PLOD2: variants seen among roughly 807,000 people sequenced by gnomAD.
PLOD2 encodes procollagen-lysine,2-oxoglutarate 5-dioxygenase 2.
Under a neutral mutation model 101.0 loss-of-function variants are expected in PLOD2, and 65 were observed. The observed-to-expected ratio is 0.64, with a 90% CI of 0.53 to 0.79. The LOEUF (loss-of-function observed/expected upper bound fraction) is 0.79, where lower values mean the gene tolerates loss of function less well. PLOD2 is among the 30% of genes least tolerant of loss of function. The pLI, the probability that PLOD2 is intolerant of heterozygous loss-of-function variation, is 0.00. For synonymous variants in PLOD2, 314 were observed against 302.9 expected (o/e 1.04, Z -0.38); for missense variants, 909 against 914.6 (o/e 0.99, Z 0.08).
chr3:146,139,930 T>C (rs977640933), intron 1 of PLOD2, among the ~76,000 whole-genome samples: 5 of 152,100 alleles, frequency 3.3e-5, no homozygotes, highest in African/African-American at 1.2e-4. Context: ...CAAATTCAAC[T>C]AATTCCTAGC....
intron 14 of PLOD2, 148 bp from the exon 15 acceptor site, chr3:146,077,043 G>C: frequency 7.7e-7 from 1 of 1,292,454 alleles, no homozygotes; most frequent in East Asian, 2.9e-5. Context: ...AATGTGCATA[G>C]TTTAAAATAA....
At chr3:146,107,689 T>C (rs34298175) in intron 4 of PLOD2, among the ~76,000 whole-genome samples, 2,822 of 123,184 alleles carry the variant, frequency 0.023, 51 homozygotes, top group Non-Finnish European at 0.028. Context: ...CAGGCTGGAG[T>C]GCAAAGGCAC....
intron 3 of PLOD2, among the ~76,000 whole-genome samples, chr3:146,112,489 A>T (rs180734198): frequency 6.6e-6 from 1 of 152,014 alleles, no homozygotes; most frequent in African/African-American, 2.4e-5. Context: ...CACACAGTGG[A>T]GTTTGTCGGT....
chr3:146,113,104 T>C (rs1029595035), intron 3 of PLOD2, among the ~76,000 whole-genome samples: 2 of 152,210 alleles, frequency 1.3e-5, no homozygotes, highest in Non-Finnish European at 2.9e-5. Context: ...TATTAATAAA[T>C]GTCAGTTGTT....
chr3:146,140,598 G>T (rs116735963), intron 1 of PLOD2, among the ~76,000 whole-genome samples: 1 of 151,990 alleles, frequency 6.6e-6, no homozygotes, highest in Non-Finnish European at 1.5e-5. Context: ...TACACAATAC[G>T]CTTTAATAAA....
intron 17 of PLOD2, among the ~76,000 whole-genome samples, chr3:146,072,322 A>C (rs1398966746): frequency 6.6e-6 from 1 of 151,696 alleles, no homozygotes; most frequent in Admixed American, 6.6e-5. Flanking sequence ...ACCCTTAGGG[A>C]ACATCCAGTG....
At chr3:146,158,800 T>C (rs187031533) in intron 1 of PLOD2, among the ~76,000 whole-genome samples, 11 of 152,208 alleles carry the variant, frequency 7.2e-5, no homozygotes, top group East Asian at 1.9e-4. Flanking sequence ...AAAATGTCAA[T>C]AGGGCCAAGA....
intron 3 of PLOD2, among the ~76,000 whole-genome samples, chr3:146,113,120 A>C (rs1937725169): frequency 6.6e-6 from 1 of 152,202 alleles, no homozygotes; most frequent in Non-Finnish European, 1.5e-5. Context: ...TTGTTTGAAA[A>C]AGAGTTATGG....
chr3:146,082,050 AT>A (rs1486238933), intron 11 of PLOD2, among the ~76,000 whole-genome samples, 187 bp from the exon 12 acceptor site: 4 of 152,234 alleles, frequency 2.6e-5, no homozygotes, highest in African/African-American at 9.6e-5. Flanking sequence ...AAGTAAGTAT[AT>A]TGCTAATTTT....
At chr3:146,144,438 G>C (rs2031675924) in intron 1 of PLOD2, among the ~76,000 whole-genome samples, 1 of 152,002 alleles carries the variant, frequency 6.6e-6, no homozygotes, top group African/African-American at 2.4e-5. Context: ...TCGTGGAAGT[G>C]AAAATCCATA....
At position 146,121,141 on chromosome 3, in the gene PLOD2, T is replaced by C; in HGVS notation, c.309A>G (p.Gln103=). Residue 103 remains glutamine, a synonymous_variant, in exon 3 of 20, where the codon CAA becomes CAG. Coordinates refer to ENST00000282903, the MANE Select transcript of PLOD2 (RefSeq NM_182943.3). ...MKEVMEHYAD[Q]DDLVVMFTEC... ...CAGTAAACATGACAACCAGATCATCTTGATCAGCATAGTGTTCCATGACTT... is the reference window on the plus strand; with the variant it reads ...CAGTAAACATGACAACCAGATCATCCTGATCAGCATAGTGTTCCATGACTT... 1.9e-6 allele frequency: 3 copies of C among 1,608,686 alleles called. No individual in the cohort carries two copies. The highest frequency in any genetic ancestry group is 2.6e-6 in the Non-Finnish European group (3 of 1,175,178).
Position 146,086,861 on chromosome 3 carries a change from C to T in PLOD2, c.1053G>A (p.Lys351=). 6.5e-7 allele frequency: 1 copy of T among 1,535,496 alleles called. No homozygotes were observed. The highest frequency in any genetic ancestry group is 8.9e-7 in the Non-Finnish European group (1 of 1,121,766). The change falls in exon 10 of 20, where the codon AAG becomes AAA. Residue 351 remains lysine, a synonymous_variant. Transcript: ENST00000282903. ...KDIKVFFDKA[K]HEIKTIKIVG... ...CTATTTTTATAGTTTTGATTTCATG[C>T]TTAGCTTTATCAAAAAATACCTTGA...
intron 11 of PLOD2, among the ~76,000 whole-genome samples, chr3:146,082,173 C>T (rs1936567510): frequency 6.6e-6 from 1 of 152,096 alleles, no homozygotes; most frequent in Non-Finnish European, 1.5e-5. Context: ...CAGAGGGAAA[C>T]TACTTTAGTT....
At chr3:146,124,422 C>T (rs914078662) in intron 1 of PLOD2, among the ~76,000 whole-genome samples, 193 bp from the exon 2 acceptor site, 3 of 151,944 alleles carry the variant, frequency 2.0e-5, no homozygotes, top group African/African-American at 4.8e-5. Context: ...AAATGATGAA[C>T]CTTCAAATGA....
rs555522934 is a variant in PLOD2 at position 146,079,025 on chromosome 3, G to A, written c.1500+91C>T. On this transcript the variant is annotated intron_variant, in intron 13 of 19. Transcript: ENST00000282903. ...TTGGCTAGTACTTACAAATTAGCAA[G>A]ACAAAGGGCATCAAAACACAGTGAC... The A allele has an allele frequency of 8.2e-6, 11 of 1,342,424 alleles. No homozygotes were observed. The African/African-American group carries it at 1.6e-4, about 19-fold the overall frequency. The allele number at this position is 1,342,424 out of a possible 1,614,324, so 83.2% of individuals were successfully genotyped here.
chr3:146,146,268 A>AG (rs11420653), intron 1 of PLOD2, among the ~76,000 whole-genome samples: 104,392 of 151,972 alleles, frequency 0.69, 36,240 homozygotes, highest in East Asian at 0.8. Flanking sequence ...CAATTACTGA[A>AG]AAAGTCATGA....
intron 1 of PLOD2, among the ~76,000 whole-genome samples, chr3:146,157,159 C>T (rs915025976): frequency 1.3e-5 from 2 of 152,194 alleles, no homozygotes; most frequent in African/African-American, 4.8e-5. Context: ...AACTAGCAAC[C>T]TCATTGACTG....
At position 146,121,099 on chromosome 3, in the gene PLOD2, G is replaced by C; in HGVS notation, c.338+13C>G. On this transcript the variant is annotated intron_variant, in intron 3 of 19. Transcript: ENST00000282903. Reference sequence around the variant, plus strand: ...GAATATAGATTTTAAAATCCACAGGGTGTTTCTCCTACCATTCAGTAAACA... The same window carrying C: ...GAATATAGATTTTAAAATCCACAGGCTGTTTCTCCTACCATTCAGTAAACA... 1 of 1,551,892 alleles carries C rather than the reference G, an allele frequency of 6.4e-7. No individual in the cohort carries two copies.
intron 11 of PLOD2, among the ~76,000 whole-genome samples, chr3:146,083,580 T>TC (rs11456231): frequency 4.0e-4 from 43 of 108,484 alleles, no homozygotes; most frequent in East Asian, 3.1e-3. Context: ...TCTTTTTCTT[T>TC]TTTTTTTTTT....
Sources: gnomAD v4.1 joint callset for allele counts (sites outside exome capture counted in the v4.1 genomes callset) on GRCh38, gnomAD v4.1.1 for gene constraint, MANE v1.5 for transcripts, NCBI Gene and HGNC (gene_info 2026-07-23, HGNC 2026-07-21) for gene names.